Variants in CATSPERE observed in about 807,000 individuals in gnomAD.
The protein encoded by CATSPERE is catsper channel auxiliary subunit epsilon.
Under a neutral mutation model 114.1 loss-of-function variants are expected in CATSPERE, and 93 were observed. That is an observed-to-expected ratio of 0.81 (90% CI 0.69 to 0.97). The LOEUF (loss-of-function observed/expected upper bound fraction) is 0.97. CATSPERE is among the 50% of genes least tolerant of loss of function. The pLI is 0.00. For synonymous variants in CATSPERE, 341 were observed against 384.1 expected (o/e 0.89, Z 1.31); for missense variants, 1,058 against 1,131.6 (o/e 0.93, Z 0.93).
intron 5 of CATSPERE, among the ~76,000 whole-genome samples, chr1:244,489,832 A>G (rs572716955): frequency 6.6e-6 from 1 of 152,224 alleles, no homozygotes; most frequent in South Asian, 2.1e-4. Flanking sequence ...ACACGTAGTT[A>G]GATATATGTA....
upstream of CATSPERE, among the ~76,000 whole-genome samples, chr1:244,458,539 C>A (rs1357093977): frequency 6.6e-6 from 1 of 151,994 alleles, no homozygotes; most frequent in Admixed American, 6.6e-5. Context: ...GAAAAAAAAA[C>A]AAACTTCTAG....
At chr1:244,459,752 G>A (rs1188187616), upstream of CATSPERE, among the ~76,000 whole-genome samples, 2 of 152,132 alleles carry the variant, frequency 1.3e-5, no homozygotes, top group Non-Finnish European at 2.9e-5. Context: ...CTCAAACTAG[G>A]ACTCATTATT....
At position 244,552,705 on chromosome 1, in the gene CATSPERE, TAA is replaced by T; in HGVS notation, c.922_923del (p.Lys308GlufsTer16). On this transcript the variant is annotated frameshift_variant, in exon 9 of 22. Coordinates refer to ENST00000366534, the MANE Select transcript of CATSPERE (RefSeq NM_001130957.2). LOFTEE classifies it high-confidence loss of function. ...TTTCTTATAAATGGTGTTCTTTACA[TAA>T]AGAGTTTTCGTGGATTTATAAGACT... The T allele has an allele frequency of 1.9e-6, 3 of 1,614,088 alleles. No individual in the cohort carries two copies. Among genetic ancestry groups the T allele is most frequent in the Non-Finnish European group, 2.5e-6 (3 of 1,179,958 alleles).
At chr1:244,522,916 A>G (rs894641556) in intron 8 of CATSPERE, among the ~76,000 whole-genome samples, 22 of 152,106 alleles carry the variant, frequency 1.4e-4, no homozygotes, top group Non-Finnish European at 1.2e-4. Context: ...ACAAGGAGGA[A>G]CTGGTACCAT....
chr1:244,460,207 A>T (rs769965229), upstream of CATSPERE, among the ~76,000 whole-genome samples: 28 of 152,212 alleles, frequency 1.8e-4, no homozygotes, highest in Non-Finnish European at 3.1e-4. Context: ...TTGCCTGGAG[A>T]CTAGATTGCC....
At chr1:244,502,158 G>T (rs1674144357) in intron 7 of CATSPERE, among the ~76,000 whole-genome samples, 1 of 152,090 alleles carries the variant, frequency 6.6e-6, no homozygotes, top group Admixed American at 6.6e-5. Flanking sequence ...CCACAATGAT[G>T]AAATGAAGTG....
chr1:244,455,437 G>GTA (rs1016768379), intron 1 of CATSPERE, among the ~76,000 whole-genome samples: 1 of 151,746 alleles, frequency 6.6e-6, no homozygotes, highest in Non-Finnish European at 1.5e-5. Context: ...GTTACCTGTG[G>GTA]TAGAATTCAA....
intron 17 of CATSPERE, 113 bp from the exon 18 acceptor site, chr1:244,605,582 A>G: frequency 1.7e-6 from 1 of 602,920 alleles, no homozygotes; most frequent in Non-Finnish European, 2.9e-6. Context: ...TTATCACTTT[A>G]TGAAGTGATA....
At chr1:244,549,425 A>C (rs80290685) in intron 8 of CATSPERE, among the ~76,000 whole-genome samples, 1 of 81,522 alleles carries the variant, frequency 1.2e-5, no homozygotes, top group African/African-American at 4.2e-5. Context: ...GTATGTCTAT[A>C]TATATATATA....
intron 7 of CATSPERE, chr1:244,515,464 C>A: frequency 8.2e-6 from 2 of 243,104 alleles, no homozygotes; most frequent in Non-Finnish European, 1.3e-5. Context: ...GATTAATAAT[C>A]TAATTAGATC....
rs1050394947 is a variant in CATSPERE, at chr1:244,633,233, A to C, written c.2649-2256A>C. On this transcript the variant is annotated intron_variant, in intron 20 of 21. Coordinates refer to ENST00000366534, the MANE Select transcript of CATSPERE (RefSeq NM_001130957.2). The surrounding 1 kb of genome is among the most constrained non-coding windows in gnomAD (Gnocchi z 4.1). ...ACAAGTAGAGAGAAAATCAGTAAGGATACAGAATACCTAACTGTGCTATCA... is the reference window on the plus strand; with the variant it reads ...ACAAGTAGAGAGAAAATCAGTAAGGCTACAGAATACCTAACTGTGCTATCA... 6.6e-6 allele frequency among the ~76,000 whole-genome samples: 1 copy of C among 152,240 alleles called. No individual in the cohort carries two copies. The highest frequency in any genetic ancestry group is 1.5e-5 in the Non-Finnish European group (1 of 68,034).
intron 5 of CATSPERE, among the ~76,000 whole-genome samples, chr1:244,480,392 G>A (rs1174331173): frequency 6.6e-6 from 1 of 152,146 alleles, no homozygotes; most frequent in Admixed American, 6.5e-5. Flanking sequence ...ATAAGGAACT[G>A]TAGTATGTGG....
chr1:244,457,301 G>A (rs758866682), upstream of CATSPERE, among the ~76,000 whole-genome samples: 4 of 152,068 alleles, frequency 2.6e-5, no homozygotes, highest in Non-Finnish European at 4.4e-5. Flanking sequence ...ATTGTAAAGG[G>A]TTCTATAAAG....
At chr1:244,518,103 C>A (rs972390310) in intron 7 of CATSPERE, among the ~76,000 whole-genome samples, 4 of 152,156 alleles carry the variant, frequency 2.6e-5, no homozygotes, top group African/African-American at 9.7e-5. Flanking sequence ...CTCAATTCCC[C>A]TTCTCCTTAT....
rs562411259 is a variant in CATSPERE, at chr1:244,465,557, T to C, written c.114+1601T>C. Among the ~76,000 whole-genome samples, 23 of 152,352 alleles carry C rather than the reference T, an allele frequency of 1.5e-4. No homozygotes were observed. The East Asian group carries it at 3.9e-3, about 26-fold the overall frequency. Reference sequence around the variant, plus strand: ...CCTATTACCTTTCTCATGTCACCTTTGTTCCGTATGTAGATGAGTTGTTTG... The same window carrying C: ...CCTATTACCTTTCTCATGTCACCTTCGTTCCGTATGTAGATGAGTTGTTTG... On this transcript the variant is annotated intron_variant, in intron 2 of 21. Coordinates refer to ENST00000366534, the MANE Select transcript of CATSPERE (RefSeq NM_001130957.2).
In CATSPERE at chr1:244,588,525, C is replaced by T. The variant is rs1304203131; in HGVS notation, c.2129C>T (p.Ala710Val). The change falls in exon 14 of 22, where the codon GCA becomes GTA. Residue 710 changes from alanine (A) to valine (V), a missense_variant. Coordinates refer to ENST00000366534, the MANE Select transcript of CATSPERE (RefSeq NM_001130957.2). ...AVGCDDKKFIAIKGFSKKGCH... is the reference protein window; with the variant it reads ...AVGCDDKKFIVIKGFSKKGCH... ...GGCTGTGATGATAAAAAATTCATTG[C>T]AATTAAAGGGTAAGTATATTTCCAT... is the stretch of plus-strand genomic sequence containing the variant. 12 of 1,608,248 alleles carry T rather than the reference C, an allele frequency of 7.5e-6. No individual in the cohort carries two copies. Among genetic ancestry groups the T allele is most frequent in the Non-Finnish European group, 9.4e-6 (11 of 1,174,838 alleles).
chr1:244,569,450 A>G (rs1300557084), intron 10 of CATSPERE, among the ~76,000 whole-genome samples: 1 of 152,148 alleles, frequency 6.6e-6, no homozygotes, highest in Non-Finnish European at 1.5e-5. Flanking sequence ...CATTGGGTTT[A>G]TCTATACTGA....
At chr1:244,542,465 C>A (rs1659003200) in intron 8 of CATSPERE, among the ~76,000 whole-genome samples, 1 of 151,986 alleles carries the variant, frequency 6.6e-6, no homozygotes, top group African/African-American at 2.4e-5. Context: ...AATTTTTTAA[C>A]CCTCACTCCC....
At chr1:244,585,717 C>T (rs1316794890) in intron 13 of CATSPERE, among the ~76,000 whole-genome samples, 4 of 152,196 alleles carry the variant, frequency 2.6e-5, no homozygotes, top group Non-Finnish European at 4.4e-5. Flanking sequence ...CCTGCTGGAC[C>T]GAAGGGACAT....
Sources: allele counts gnomAD v4.1 joint callset (sites outside exome capture counted in the v4.1 genomes callset), GRCh38; gene constraint gnomAD v4.1.1; non-coding constraint Gnocchi (gnomAD v3.1); transcripts MANE v1.5; gene names NCBI Gene and HGNC (gene_info 2026-07-23, HGNC 2026-07-21).